The following RBM20 variants were observed in gnomAD, a reference collection of about 807,000 sequenced individuals.
RBM20 encodes the protein RNA-binding protein 20.
Under a neutral mutation model 110.1 loss-of-function variants are expected in RBM20, and 51 were observed. The ratio of observed to expected loss-of-function variants is 0.46; its 90% CI spans 0.37 to 0.59. The LOEUF is 0.59. Among genes scored for constraint, RBM20 ranks in the 20% least tolerant of loss-of-function variants. The pLI is 0.00. For synonymous variants in RBM20, 589 were observed against 618.2 expected, an observed-to-expected ratio of 0.95 and a Z score of 0.70; for missense variants, 1,512 against 1,574.9, an observed-to-expected ratio of 0.96 and a Z score of 0.68.
upstream of RBM20, among the ~76,000 whole-genome samples, chr10:110,643,465 G>C (rs1485948611): frequency 6.6e-6 from 1 of 152,230 alleles, no homozygotes. Flanking sequence ...ACGGGCGCAC[G>C]CGGGCGCCAG....
At chr10:110,798,029 C>T (rs565921855) in intron 6 of RBM20, among the ~76,000 whole-genome samples, 152 of 152,262 alleles carry the variant, frequency 1.0e-3, no homozygotes, top group African/African-American at 3.5e-3. Flanking sequence ...TATCTGATGG[C>T]CTGGATTTGG....
intron 5 of RBM20, among the ~76,000 whole-genome samples, chr10:110,795,102 G>T (rs1416812862): frequency 6.6e-6 from 1 of 152,206 alleles, no homozygotes; most frequent in Non-Finnish European, 1.5e-5. Context: ...AACGTGCCTC[G>T]CTAAGAGACC....
chr10:110,825,624 A>G (rs61862943), intron 12 of RBM20, among the ~76,000 whole-genome samples: 2,733 of 152,338 alleles, frequency 0.018, 30 homozygotes, highest in South Asian at 0.047. Context: ...ATGTCAGTAC[A>G]TAGAGAACAC....
chr10:110,799,491 G>A (rs142446622), intron 6 of RBM20, among the ~76,000 whole-genome samples: 27 of 152,232 alleles, frequency 1.8e-4, no homozygotes, highest in Admixed American at 7.8e-4. Context: ...ACTCTACAGT[G>A]CATAATGTAC....
intron 1 of RBM20, among the ~76,000 whole-genome samples, chr10:110,684,124 G>A (rs914248620): frequency 6.6e-6 from 1 of 152,232 alleles, no homozygotes; most frequent in Non-Finnish European, 1.5e-5. Context: ...GATGGGCGCA[G>A]TGGCTCATGC....
chr10:110,702,878 C>G (rs994025774), intron 1 of RBM20, among the ~76,000 whole-genome samples: 1 of 152,028 alleles, frequency 6.6e-6, no homozygotes, highest in African/African-American at 2.4e-5. Context: ...TAGAAGGAGT[C>G]AATGAGTTAA....
chr10:110,675,459 T>C (rs1862326313), intron 1 of RBM20, among the ~76,000 whole-genome samples: 1 of 152,150 alleles, frequency 6.6e-6, no homozygotes, highest in African/African-American at 2.4e-5. Flanking sequence ...TCTTATTTAA[T>C]CCCCAAACAA....
At chr10:110,804,828 G>T (rs568330059) in intron 7 of RBM20, among the ~76,000 whole-genome samples, 1 of 152,332 alleles carries the variant, frequency 6.6e-6, no homozygotes, top group South Asian at 2.1e-4. Context: ...GTGTCTCCCA[G>T]TCACTTCATC....
intron 1 of RBM20, among the ~76,000 whole-genome samples, chr10:110,680,644 C>A (rs11592563): frequency 6.6e-6 from 1 of 152,072 alleles, no homozygotes; most frequent in Admixed American, 6.5e-5. Context: ...TGCGCTGTCA[C>A]GCAATGCGTG....
At chr10:110,784,692 A>G in intron 4 of RBM20, 100 bp from the exon 5 acceptor site, 3 of 806,862 alleles carry the variant, frequency 3.7e-6, no homozygotes, top group Non-Finnish European at 4.2e-6. Flanking sequence ...ATAATATGTG[A>G]AGGGGAAAGG....
In RBM20 at chr10:110,812,404, G is replaced by C; in HGVS notation, c.2007G>C (p.Trp669Cys). Residue 669 changes from tryptophan (W) to cysteine (C), a missense_variant, in exon 9 of 14, where the codon TGG becomes TGC. Physicochemically the swap from Trp to Cys is radical, Grantham distance 215. Around this residue, in one of 3 missense-constraint regions of RBM20, gnomAD observed 1,149 missense variants for 1,169.4 expected, o/e 0.98. Transcript: ENST00000369519. ...CTCCGGGCCCCTCCCGGGCTGACTG[G>C]GGCAATGGCCGGGACTCCTGGGAGC... The part of the protein sequence containing the change: ...HSPPGPSRAD[W>C]GNGRDSWEHS... The C allele has an allele frequency of 1.3e-6, 2 of 1,551,690 alleles. No individual in the cohort carries two copies. The highest frequency in any genetic ancestry group is 1.7e-6 in the Non-Finnish European group (2 of 1,147,006).
At chr10:110,706,494 A>G (rs975812400) in intron 1 of RBM20, among the ~76,000 whole-genome samples, 1 of 152,250 alleles carries the variant, frequency 6.6e-6, no homozygotes, top group Non-Finnish European at 1.5e-5. Flanking sequence ...CCGCCAGGAA[A>G]TGCAACGGTT....
rs575931712 is a variant in RBM20 at position 110,656,659 on chromosome 10, A to G, written c.191+12014A>G. On this transcript the variant is annotated intron_variant, in intron 1 of 13. Coordinates refer to ENST00000369519, the MANE Select transcript of RBM20 (RefSeq NM_001134363.3). Reference sequence around the variant, plus strand: ...ACCTCTCCCCAGTCCCTGGAAACCAATCTGCTTTCCATCCCTATGGATTTG... The same window carrying G: ...ACCTCTCCCCAGTCCCTGGAAACCAGTCTGCTTTCCATCCCTATGGATTTG... Among the ~76,000 whole-genome samples the G allele has an allele frequency of 6.6e-5, 10 of 152,224 alleles. No homozygotes were observed. In the South Asian group the frequency reaches 1.9e-3, roughly 28 times the overall value.
At chr10:110,757,229 C>G (rs1195451863) in intron 1 of RBM20, among the ~76,000 whole-genome samples, 1 of 152,196 alleles carries the variant, frequency 6.6e-6, no homozygotes, top group Non-Finnish European at 1.5e-5. Flanking sequence ...TTTCTTTGCT[C>G]TATTCCTCTA....
chr10:110,763,761 T>C (rs1183039571), intron 1 of RBM20, among the ~76,000 whole-genome samples: 1 of 150,218 alleles, frequency 6.7e-6, no homozygotes, highest in East Asian at 1.9e-4. Context: ...CTTTTTTTTT[T>C]TTTTTTTTTT....
chr10:110,812,704 C>T lies in RBM20; in HGVS notation c.2307C>T (p.Asp769=), dbSNP rs1201765706. Residue 769 remains aspartate, a synonymous_variant, in exon 9 of 14, where the codon GAC becomes GAT. Coordinates refer to ENST00000369519, the MANE Select transcript of RBM20 (RefSeq NM_001134363.3). ...YYRKEPKAKS[D]KYLKQQQDAP... ...GGAAAGAGCCCAAAGCCAAGTCGGA[C>T]AAGTATCTGAAGCAGCAGCAGGATG... is the stretch of plus-strand genomic sequence containing the variant. 1 of 1,551,734 alleles carries T rather than the reference C, an allele frequency of 6.4e-7. No individual in the cohort carries two copies. Among genetic ancestry groups the T allele is most frequent in the African/African-American group, 1.4e-5 (1 of 73,156 alleles).
At chr10:110,817,919 G>A (rs186050320) in intron 9 of RBM20, among the ~76,000 whole-genome samples, 1 of 152,322 alleles carries the variant, frequency 6.6e-6, no homozygotes, top group Non-Finnish European at 1.5e-5. Flanking sequence ...GGCCTTGTAG[G>A]CAGGTTGAAG....
intron 1 of RBM20, among the ~76,000 whole-genome samples, chr10:110,648,591 T>C: frequency 6.6e-6 from 1 of 152,094 alleles, no homozygotes; most frequent in East Asian, 1.9e-4. Flanking sequence ...TTAGGGGAAA[T>C]AGGAATACAC....
At chr10:110,655,759 T>G (rs1408591210) in intron 1 of RBM20, among the ~76,000 whole-genome samples, 1 of 152,200 alleles carries the variant, frequency 6.6e-6, no homozygotes, top group Admixed American at 6.5e-5. Context: ...ATCCATAAAC[T>G]GGGGAAGGAT....
Sources: allele counts gnomAD v4.1 joint callset (sites outside exome capture counted in the v4.1 genomes callset), GRCh38; gene constraint gnomAD v4.1.1; regional missense constraint gnomAD v4.1.1; transcripts MANE v1.5; gene names NCBI Gene and HGNC (gene_info 2026-07-23, HGNC 2026-07-21).